Variants in NT5DC3 observed in about 807,000 individuals in gnomAD.
The protein encoded by NT5DC3 is 5'-nucleotidase domain containing 3.
Under a neutral mutation model 67.8 loss-of-function variants are expected in NT5DC3, and 42 were observed. The ratio of observed to expected loss-of-function variants is 0.62; its 90% confidence interval spans 0.48 to 0.80. The LOEUF (loss-of-function observed/expected upper bound fraction) is 0.80. NT5DC3 is among the 30% of genes least tolerant of loss of function. The probability of loss-of-function intolerance (pLI) is 0.00; values close to 1 mark genes in which losing one functional copy is unlikely to be tolerated. For synonymous variants in NT5DC3, 237 were observed against 255.6 expected (o/e 0.93, Z 0.69); for missense variants, 570 against 696.4 (o/e 0.82, Z 2.04).
At chr12:103,807,415 G>T (rs1332794959) in intron 2 of NT5DC3, among the ~76,000 whole-genome samples, 1 of 152,214 alleles carries the variant, frequency 6.6e-6, no homozygotes, top group Non-Finnish European at 1.5e-5. Context: ...ACCTTGATGT[G>T]GCAGGCCCCT....
At chr12:103,812,686 C>G (rs1371799341) in intron 2 of NT5DC3, among the ~76,000 whole-genome samples, 5 of 151,928 alleles carry the variant, frequency 3.3e-5, no homozygotes, top group African/African-American at 9.7e-5. Flanking sequence ...TGGAAACAGA[C>G]AGACTTGAGT....
rs1006059676 is a variant in NT5DC3 at position 103,841,213 on chromosome 12, G to A, written c.-57C>T. 1.8e-5 allele frequency: 10 copies of A among 543,086 alleles called. No homozygotes were observed. The highest frequency in any genetic ancestry group is 8.5e-5 in the East Asian group (2 of 23,598). 33.6% of individuals were successfully genotyped at this position (543,086 alleles called of 1,614,324 possible). A position where few individuals can be genotyped will look rare whatever the true frequency, so the allele number is the denominator to read the frequency against. ...GCCGCTCTGCGACTGCTGCTGCCCG[G>A]CCCAAGATCTACCCGCGCTCTGCCC... On this transcript the variant is annotated 5_prime_UTR_variant, in exon 1 of 14. Transcript: ENST00000392876.
chr12:103,811,332 A>G (rs1887023554), intron 2 of NT5DC3, among the ~76,000 whole-genome samples: 1 of 152,184 alleles, frequency 6.6e-6, no homozygotes, highest in Non-Finnish European at 1.5e-5. Flanking sequence ...GGGGGAAGAA[A>G]GAGTGCTCCA....
intron 2 of NT5DC3, among the ~76,000 whole-genome samples, chr12:103,812,452 G>T (rs777528567): frequency 5.3e-5 from 8 of 152,200 alleles, no homozygotes; most frequent in Non-Finnish European, 1.0e-4. Flanking sequence ...AAATTTCAAT[G>T]ATCTTAAATC....
chr12:103,806,130 G>C (rs143354503), intron 4 of NT5DC3, among the ~76,000 whole-genome samples, 192 bp downstream of exon 4: 1 of 152,222 alleles, frequency 6.6e-6, no homozygotes, highest in African/African-American at 2.4e-5. Context: ...GCTCCTTGAG[G>C]ACATCAAGGC....
chr12:103,812,880 T>C (rs1450944208), intron 2 of NT5DC3, among the ~76,000 whole-genome samples: 1 of 152,246 alleles, frequency 6.6e-6, no homozygotes, highest in African/African-American at 2.4e-5. Flanking sequence ...CTATGTGCCA[T>C]CTACTTTACA....
the NT5DC3 span, chr12:103,755,829 G>T: frequency 1.0e-6 from 1 of 981,982 alleles, no homozygotes. Flanking sequence ...TAAGAGCATG[G>T]GTGCTGGACC....
chr12:103,825,766 C>T (rs1188239195), intron 1 of NT5DC3, among the ~76,000 whole-genome samples: 1 of 152,162 alleles, frequency 6.6e-6, no homozygotes, highest in Non-Finnish European at 1.5e-5. Context: ...AGAGCAAGAC[C>T]CTATCGAAGA....
chr12:103,764,917 G>A, the NT5DC3 span, among the ~76,000 whole-genome samples: 5 of 144,326 alleles, frequency 3.5e-5, no homozygotes, highest in Non-Finnish European at 1.5e-5. Context: ...GGCCAACATG[G>A]TGAAATCCCA....
At chr12:103,755,328 C>T in the NT5DC3 span, 1 of 1,614,120 alleles carries the variant, frequency 6.2e-7, no homozygotes, top group East Asian at 2.2e-5. Flanking sequence ...GCTCAGCAGG[C>T]TGGCTGGAGA....
At chr12:103,759,127 T>C in the NT5DC3 span, 1 of 1,614,218 alleles carries the variant, frequency 6.2e-7, no homozygotes, top group Non-Finnish European at 8.5e-7. Flanking sequence ...TCTCCTTTTT[T>C]CTCAGACCTT....
At chr12:103,747,143 C>T in the NT5DC3 span, among the ~76,000 whole-genome samples, 2 of 151,858 alleles carry the variant, frequency 1.3e-5, no homozygotes, top group South Asian at 2.1e-4. Flanking sequence ...GTTTTTCTAA[C>T]TCTACAAGTA....
At chr12:103,832,460 T>TC (rs1296370875) in intron 1 of NT5DC3, among the ~76,000 whole-genome samples, 1 of 152,094 alleles carries the variant, frequency 6.6e-6, no homozygotes, top group Non-Finnish European at 1.5e-5. Context: ...ACCACTGAAT[T>TC]CTTTTTTTTA....
At chr12:103,751,013 T>C in the NT5DC3 span, among the ~76,000 whole-genome samples, 2 of 152,134 alleles carry the variant, frequency 1.3e-5, no homozygotes, top group African/African-American at 4.8e-5. Flanking sequence ...AAAAGCCACA[T>C]AGAAGTGCAG....
At position 103,782,501 on chromosome 12, in the gene NT5DC3, A is replaced by G. The variant is rs117332098; in HGVS notation, c.1330-2137T>C. 2.9e-3 allele frequency among the ~76,000 whole-genome samples: 443 copies of G among 152,352 alleles called. 1 individual carries two copies. Among genetic ancestry groups the G allele is most frequent in the Non-Finnish European group, 5.4e-3 (366 of 68,038 alleles). On this transcript the variant is annotated intron_variant, in intron 12 of 13. Coordinates refer to ENST00000392876, the MANE Select transcript of NT5DC3 (RefSeq NM_001031701.3). ...TACTGTCCACGGCTGCTTTTGTGCT[A>G]CAAGTGCAGAGGTGGGTAGCTGCAA...
chr12:103,787,710 A>C (rs1396815191), intron 10 of NT5DC3, among the ~76,000 whole-genome samples, 183 bp from the exon 11 acceptor site: 1 of 152,208 alleles, frequency 6.6e-6, no homozygotes, highest in Non-Finnish European at 1.5e-5. Context: ...TTCAAGAAGG[A>C]TTTATATTAT....
chr12:103,782,595 G>A (rs1032452718), intron 12 of NT5DC3, among the ~76,000 whole-genome samples: 1 of 152,118 alleles, frequency 6.6e-6, no homozygotes, highest in Non-Finnish European at 1.5e-5. Context: ...GCTGACCTGT[G>A]GTCTAAATGT....
chr12:103,790,906 G>A (rs995121931), intron 9 of NT5DC3, among the ~76,000 whole-genome samples: 1 of 146,390 alleles, frequency 6.8e-6, no homozygotes, highest in Non-Finnish European at 1.5e-5. Context: ...AGCCAGGATG[G>A]TCTCCATCTC....
intron 1 of NT5DC3, among the ~76,000 whole-genome samples, chr12:103,817,698 CT>C (rs1186854152): frequency 1.3e-5 from 2 of 152,266 alleles, no homozygotes; most frequent in South Asian, 4.1e-4. Flanking sequence ...ACTTTATTTG[CT>C]AAGGATACAC....
Sources: allele counts gnomAD v4.1 joint callset (sites outside exome capture counted in the v4.1 genomes callset), GRCh38; gene constraint gnomAD v4.1.1; transcripts MANE v1.5; gene names NCBI Gene and HGNC (gene_info 2026-07-23, HGNC 2026-07-21).